ABHD2: variants seen among roughly 807,000 people sequenced by gnomAD.
The protein encoded by ABHD2 is monoacylglycerol lipase ABHD2.
A neutral mutation model predicts 48.1 loss-of-function variants in ABHD2; 20 were observed. The observed-to-expected ratio is 0.42, with a 90% CI of 0.29 to 0.60. The LOEUF (loss-of-function observed/expected upper bound fraction) is 0.60. Ranked by LOEUF, ABHD2 falls within the 20% of genes least tolerant of loss-of-function variation. The pLI, the probability that ABHD2 is intolerant of heterozygous loss-of-function variation, is 0.24. For missense variants in ABHD2, 405 were observed against 550.9 expected, an observed-to-expected ratio of 0.74 and a Z score of 2.65; for synonymous variants, 209 against 214.2, an observed-to-expected ratio of 0.98 and a Z score of 0.21.
the ABHD2 span, among the ~76,000 whole-genome samples, chr15:89,053,737 A>C: frequency 6.6e-6 from 1 of 152,244 alleles, no homozygotes; most frequent in African/African-American, 2.4e-5. Flanking sequence ...AAGCCAAGGC[A>C]AAAATGGGCA....
rs568756932 is a variant in ABHD2, at chr15:89,130,445, T to C, written c.194+13924T>C. Among the ~76,000 whole-genome samples the C allele has an allele frequency of 8.5e-4, 129 of 152,292 alleles. 1 individual carries two copies. The highest frequency in any genetic ancestry group is 3.0e-3 in the African/African-American group (125 of 41,560). Reference sequence around the variant, plus strand: ...CTTGGTCATTTCCTTTCCCATTTCATTGGTTTGGGTGTCCAAGGGAGATAA... The same window carrying C: ...CTTGGTCATTTCCTTTCCCATTTCACTGGTTTGGGTGTCCAAGGGAGATAA... On this transcript the variant is annotated intron_variant, in intron 3 of 10. Transcript: ENST00000352732.
chr15:89,156,207 G>A (rs1282821060), intron 5 of ABHD2, among the ~76,000 whole-genome samples: 48 of 136,640 alleles, frequency 3.5e-4, no homozygotes, highest in African/African-American at 1.3e-3. Context: ...TGCAGGCTCC[G>A]CCTCCTGAGT....
intron 1 of ABHD2, among the ~76,000 whole-genome samples, chr15:89,090,785 C>T (rs1387603550): frequency 6.6e-6 from 1 of 152,130 alleles, no homozygotes; most frequent in Non-Finnish European, 1.5e-5. Context: ...TCCTCCCAAG[C>T]GATGAGTGTG....
intron 3 of ABHD2, among the ~76,000 whole-genome samples, chr15:89,138,875 T>C (rs8041705): frequency 0.38 from 57,204 of 151,070 alleles, 11,380 homozygotes; most frequent in Non-Finnish European, 0.46. Flanking sequence ...TCTTTTTTTT[T>C]CCTCATTTTT....
intron 5 of ABHD2, among the ~76,000 whole-genome samples, chr15:89,161,269 G>A (rs533217564): frequency 2.7e-4 from 41 of 152,232 alleles, no homozygotes; most frequent in African/African-American, 9.6e-4. Context: ...CAGAAGTAGG[G>A]AGAATAGTAG....
upstream of ABHD2, among the ~76,000 whole-genome samples, chr15:89,085,737 C>G (rs1261295012): frequency 6.6e-6 from 1 of 152,214 alleles, no homozygotes; most frequent in Non-Finnish European, 1.5e-5. The surrounding 1 kb of genome is among the most constrained non-coding windows in gnomAD (Gnocchi z 4.2). Flanking sequence ...AGCCCATCTG[C>G]AATCTACTCC....
intron 3 of ABHD2, among the ~76,000 whole-genome samples, chr15:89,131,526 A>G (rs1295981923): frequency 6.6e-6 from 1 of 152,162 alleles, no homozygotes; most frequent in East Asian, 1.9e-4. Flanking sequence ...GGGACTCCTC[A>G]GTGGTGTGTC....
In ABHD2 at chr15:89,201,761, G is replaced by T; in HGVS notation, c.*6338G>T. The T allele has an allele frequency of 6.5e-7, 1 of 1,535,706 alleles. No individual in the cohort carries two copies. Among genetic ancestry groups the T allele is most frequent in the Non-Finnish European group, 9.0e-7 (1 of 1,109,884 alleles). On this transcript the variant is annotated 3_prime_UTR_variant, in exon 11 of 11. Transcript: ENST00000352732. ...GGTCTATGGGCGGGTCGAGGACCAG[G>T]ATCTGCTCGTGCTTCGCCGTGGCCC... is the stretch of plus-strand genomic sequence containing the variant.
At chr15:89,066,131 A>AT in the ABHD2 span, among the ~76,000 whole-genome samples, 1 of 152,144 alleles carries the variant, frequency 6.6e-6, no homozygotes, top group Admixed American at 6.5e-5. Context: ...AATATTTAGG[A>AT]TTTTTTCCCT....
At chr15:89,143,608 A>C (rs1009122730) in intron 3 of ABHD2, among the ~76,000 whole-genome samples, 1 of 152,112 alleles carries the variant, frequency 6.6e-6, no homozygotes, top group Non-Finnish European at 1.5e-5. Flanking sequence ...CGGAGGTTGC[A>C]GTGAGCCGAA....
At chr15:89,047,992 T>A in the ABHD2 span, among the ~76,000 whole-genome samples, 1 of 151,684 alleles carries the variant, frequency 6.6e-6, no homozygotes. Flanking sequence ...CTTCCTAGTC[T>A]CGATGGTCTT....
rs114179349 is a variant in ABHD2, at chr15:89,119,568, T to C, written c.194+3047T>C. 4.3e-3 allele frequency among the ~76,000 whole-genome samples: 654 copies of C among 152,256 alleles called. 10 individuals are homozygous for C. The highest frequency in any genetic ancestry group is 0.015 in the African/African-American group (624 of 41,546). ...TTCATTTTTCCTTTCATTTTAGGGA[T>C]GAGGAAACTGGGAGTAGCAGAGAGG... On this transcript the variant is annotated intron_variant, in intron 3 of 10. Coordinates refer to ENST00000352732, the MANE Select transcript of ABHD2 (RefSeq NM_152924.5).
intron 1 of ABHD2, among the ~76,000 whole-genome samples, chr15:89,107,335 A>C (rs2049802257): frequency 6.6e-6 from 1 of 152,180 alleles, no homozygotes; most frequent in Non-Finnish European, 1.5e-5. Flanking sequence ...AGAATCAAGA[A>C]GAGTATGTCC....
intron 9 of ABHD2, among the ~76,000 whole-genome samples, chr15:89,192,565 G>A (rs949306465): frequency 1.3e-5 from 2 of 150,902 alleles, no homozygotes; most frequent in South Asian, 2.1e-4. Flanking sequence ...GCTAGAGTGC[G>A]GTGGCATGAT....
intron 3 of ABHD2, among the ~76,000 whole-genome samples, chr15:89,127,920 C>G (rs748949420): frequency 6.6e-6 from 1 of 151,934 alleles, no homozygotes; most frequent in Non-Finnish European, 1.5e-5. Context: ...TCTAGTAGCT[C>G]CTGACTTTTA....
At chr15:89,183,696 G>A (rs2051159617) in intron 6 of ABHD2, among the ~76,000 whole-genome samples, 1 of 151,908 alleles carries the variant, frequency 6.6e-6, no homozygotes, top group Non-Finnish European at 1.5e-5. Context: ...ATCAAGGGCT[G>A]CAGCATCTTT....
At chr15:89,045,072 G>C in the ABHD2 span, among the ~76,000 whole-genome samples, 3 of 152,104 alleles carry the variant, frequency 2.0e-5, no homozygotes, top group Non-Finnish European at 4.4e-5. Context: ...ACCTTGAATT[G>C]ATTTTTGTAT....
the ABHD2 span, among the ~76,000 whole-genome samples, chr15:89,050,269 T>A: frequency 6.6e-6 from 1 of 151,302 alleles, no homozygotes; most frequent in African/African-American, 2.4e-5. Flanking sequence ...GGGGCGGGGG[T>A]CACTTAGATG....
rs1211959405 is a variant in ABHD2 at position 89,195,018 on chromosome 15, C to T, written c.1082-209C>T. On this transcript the variant is annotated intron_variant, in intron 10 of 10. Transcript: ENST00000352732. The surrounding 1 kb of genome is among the most constrained non-coding windows in gnomAD (Gnocchi z 5.1). Reference sequence around the variant, plus strand: ...TTCTTCAGCTGGTGCCCATTCAGCTCCAAAGCCAAGCTGTACTCTAAAACC... The same window carrying T: ...TTCTTCAGCTGGTGCCCATTCAGCTTCAAAGCCAAGCTGTACTCTAAAACC... Among the ~76,000 whole-genome samples the T allele has an allele frequency of 6.6e-6, 1 of 152,200 alleles. No individual in the cohort carries two copies. The highest frequency in any genetic ancestry group is 1.5e-5 in the Non-Finnish European group (1 of 68,028).
Sources: gnomAD v4.1 joint callset for allele counts (sites outside exome capture counted in the v4.1 genomes callset) on GRCh38, gnomAD v4.1.1 for gene constraint, Gnocchi (gnomAD v3.1) non-coding constraint, MANE v1.5 for transcripts, NCBI Gene and HGNC (gene_info 2026-07-23, HGNC 2026-07-21) for gene names.